Variants in LHPP observed in about 807,000 individuals in gnomAD.
LHPP encodes hLHPP.
Under a neutral mutation model 30.3 loss-of-function variants are expected in LHPP, and 24 were observed. The observed-to-expected ratio is 0.79, with a 90% CI of 0.57 to 1.11. The LOEUF is 1.11. LHPP is among the 50% of genes most tolerant of loss of function. LHPP has a pLI of 0.00. For synonymous variants in LHPP, 150 were observed against 157.1 expected (o/e 0.95, Z 0.34); for missense variants, 356 against 367.2 (o/e 0.97, Z 0.25).
chr10:124,546,294 G>A (rs1254333953), intron 6 of LHPP: 1 of 152,522 alleles, frequency 6.6e-6, no homozygotes, highest in Non-Finnish European at 1.5e-5. Context: ...TATTCTCAAG[G>A]GCCTGTGCTA....
At chr10:124,605,944 C>T (rs1949086722) in intron 6 of LHPP, among the ~76,000 whole-genome samples, 1 of 152,072 alleles carries the variant, frequency 6.6e-6, no homozygotes, top group African/African-American at 2.4e-5. Flanking sequence ...AGGCCAGCCT[C>T]CTGGTCCTGC....
chr10:124,576,539 C>G lies in LHPP; in HGVS notation c.717-36725C>G, dbSNP rs1242995457. 1.3e-5 allele frequency among the ~76,000 whole-genome samples: 2 copies of G among 151,104 alleles called. No homozygotes were observed. Among genetic ancestry groups the G allele is most frequent in the African/African-American group, 2.4e-5 (1 of 41,134 alleles). On this transcript the variant is annotated intron_variant, in intron 6 of 6. Transcript: ENST00000368842. The surrounding 1 kb of genome is among the most constrained non-coding windows in gnomAD (Gnocchi z 4.2). ...CCCCCTCCATGGCCTGCCCCCAGAT[C>G]CCCCTTTGCTGCCACCCCTATATCT...
intron 5 of LHPP, among the ~76,000 whole-genome samples, chr10:124,509,318 T>A (rs867866): frequency 6.6e-6 from 1 of 151,994 alleles, no homozygotes; most frequent in Non-Finnish European, 1.5e-5. Flanking sequence ...CTTGACCATT[T>A]CCTATTGATG....
At chr10:124,476,500 G>A (rs1016697350) in intron 1 of LHPP, among the ~76,000 whole-genome samples, 11 of 152,074 alleles carry the variant, frequency 7.2e-5, no homozygotes, top group Non-Finnish European at 1.3e-4. Context: ...TTTATGGCTC[G>A]GGTTCCAAGA....
intron 5 of LHPP, among the ~76,000 whole-genome samples, chr10:124,516,367 A>G (rs1404049780): frequency 6.6e-6 from 1 of 152,124 alleles, no homozygotes; most frequent in Non-Finnish European, 1.5e-5. Context: ...GCCCTTAAAG[A>G]ATTACCTCCT....
intron 6 of LHPP, among the ~76,000 whole-genome samples, chr10:124,554,938 C>T (rs867774296): frequency 1.6e-4 from 25 of 152,250 alleles, no homozygotes; most frequent in African/African-American, 5.8e-4. Context: ...TGCTCTTAGC[C>T]TCTGGGCTAA....
At chr10:124,577,146 G>A (rs1948674524) in intron 6 of LHPP, among the ~76,000 whole-genome samples, 2 of 152,172 alleles carry the variant, frequency 1.3e-5, no homozygotes, top group South Asian at 4.1e-4. Flanking sequence ...TGCTCAGGTG[G>A]GTCCGTGCTG....
chr10:124,588,317 A>G (rs1589697703), intron 6 of LHPP, among the ~76,000 whole-genome samples: 1 of 138,468 alleles, frequency 7.2e-6, no homozygotes, highest in East Asian at 1.9e-4. Context: ...TTTAAGACTG[A>G]GTCTTGCTCT....
chr10:124,601,895 A>AGCCATG (rs1340690071), intron 6 of LHPP, among the ~76,000 whole-genome samples: 1 of 152,214 alleles, frequency 6.6e-6, no homozygotes, highest in Non-Finnish European at 1.5e-5. Flanking sequence ...GTGGAGCACC[A>AGCCATG]GCCATGGGGA....
At chr10:124,554,803 C>G (rs976721987) in intron 6 of LHPP, among the ~76,000 whole-genome samples, 15 of 152,212 alleles carry the variant, frequency 9.9e-5, no homozygotes, top group African/African-American at 2.9e-4. Context: ...TAGGGCCTTT[C>G]CAAAGACTTT....
chr10:124,542,734 G>T lies in LHPP; in HGVS notation c.716+25463G>T, dbSNP rs11245275. The stretch of plus-strand genomic sequence containing the variant: ...CCCACCTCTCTGCCTCCTTCCAGGG[G>T]CTCACCCCGCCCTGCTGCCTCTTCT... On this transcript the variant is annotated intron_variant, in intron 6 of 6. Transcript: ENST00000368842. Among the ~76,000 whole-genome samples the T allele has an allele frequency of 9.6e-4, 146 of 152,248 alleles. 3 individuals carry two copies. In the East Asian group the frequency reaches 0.026, roughly 28 times the overall value.
chr10:124,521,104 T>G (rs1174775637), intron 6 of LHPP, among the ~76,000 whole-genome samples: 1 of 152,048 alleles, frequency 6.6e-6, no homozygotes, highest in Non-Finnish European at 1.5e-5. Flanking sequence ...ACAGATACAC[T>G]GAAATGCTGG....
At chr10:124,464,382 C>T (rs1952497482) in intron 1 of LHPP, among the ~76,000 whole-genome samples, 2 of 152,154 alleles carry the variant, frequency 1.3e-5, no homozygotes, top group South Asian at 4.1e-4. Flanking sequence ...ATCTGCATGT[C>T]TGATGTCTGG....
chr10:124,530,497 T>G (rs1320070940), intron 6 of LHPP, among the ~76,000 whole-genome samples: 1 of 151,668 alleles, frequency 6.6e-6, no homozygotes, highest in African/African-American at 2.4e-5. Flanking sequence ...CATCCACAGG[T>G]GCCCACTCTC....
chr10:124,515,833 C>T (rs565186748), intron 5 of LHPP, among the ~76,000 whole-genome samples: 7 of 152,312 alleles, frequency 4.6e-5, no homozygotes, highest in African/African-American at 1.2e-4. Flanking sequence ...ACACAGGCAC[C>T]GTTTTCCCTA....
rs777741931 is a variant in LHPP at position 124,496,376 on chromosome 10, G to C, written c.468-585G>C. On this transcript the variant is annotated intron_variant, in intron 3 of 6. Transcript: ENST00000368842. The surrounding 1 kb of genome is among the most constrained non-coding windows in gnomAD (Gnocchi z 4.3). Reference sequence around the variant, plus strand: ...CATTTTGAGAGAGGAATGCTCCCTCGTGCAGAGCCTGTCTCCACCTCCATG... The same window carrying C: ...CATTTTGAGAGAGGAATGCTCCCTCCTGCAGAGCCTGTCTCCACCTCCATG... 1.3e-5 allele frequency among the ~76,000 whole-genome samples: 2 copies of C among 152,096 alleles called. No individual in the cohort carries two copies. Among genetic ancestry groups the C allele is most frequent in the Non-Finnish European group, 2.9e-5 (2 of 68,028 alleles).
chr10:124,548,548 C>T (rs1433523948), intron 6 of LHPP, among the ~76,000 whole-genome samples: 4 of 152,168 alleles, frequency 2.6e-5, no homozygotes, highest in African/African-American at 9.7e-5. Flanking sequence ...TACCTCGGGG[C>T]CCCCACTGTG....
At chr10:124,477,965 T>C (rs112365757) in intron 1 of LHPP, among the ~76,000 whole-genome samples, 2,207 of 151,778 alleles carry the variant, frequency 0.015, 48 homozygotes, top group African/African-American at 0.051. Flanking sequence ...GATGCTGGGG[T>C]GACTCCTCTG....
At chr10:124,588,086 G>A (rs557642577) in intron 6 of LHPP, among the ~76,000 whole-genome samples, 1 of 152,342 alleles carries the variant, frequency 6.6e-6, no homozygotes, top group African/African-American at 2.4e-5. Context: ...CAGGTGTTCT[G>A]TACAGAGAGC....
Sources: allele counts gnomAD v4.1 joint callset (sites outside exome capture counted in the v4.1 genomes callset), GRCh38; gene constraint gnomAD v4.1.1; non-coding constraint Gnocchi (gnomAD v3.1); transcripts MANE v1.5; gene names NCBI Gene and HGNC (gene_info 2026-07-23, HGNC 2026-07-21).